The following GRIK1 variants were observed in gnomAD, a reference collection of about 807,000 sequenced individuals.
The protein encoded by GRIK1 is glutamate ionotropic receptor kainate type subunit 1, also known as glutamate receptor ionotropic, kainate 1.
A neutral mutation model predicts 105.7 loss-of-function variants in GRIK1; 69 were observed. The observed-to-expected ratio is 0.65, with a 90% CI of 0.54 to 0.80. GRIK1 has a LOEUF of 0.80. Among genes scored for constraint, GRIK1 ranks in the 30% least tolerant of loss-of-function variants. The pLI is 0.00. For missense variants in GRIK1, 1,109 were observed against 1,167.3 expected, an observed-to-expected ratio of 0.95 and a Z score of 0.73; for synonymous variants, 438 against 431.3, an observed-to-expected ratio of 1.02 and a Z score of -0.19.
At chr21:29,853,983 T>C (rs552035292) in intron 1 of GRIK1, among the ~76,000 whole-genome samples, 2 of 152,272 alleles carry the variant, frequency 1.3e-5, no homozygotes, top group African/African-American at 4.8e-5. Flanking sequence ...CCCCATGACA[T>C]CTGAGCAAAG....
Position 29,725,042 on chromosome 21 carries a change from C to A in GRIK1, c.119-30979G>T, listed in dbSNP as rs1033889594. ...AAAAAAAAAAGAAACTCTACTGCCA[C>A]ATGGGATGTTTAAAATTATTAATTA... On this transcript the variant is annotated intron_variant, in intron 1 of 17. Transcript: ENST00000327783. Among the ~76,000 whole-genome samples the A allele has an allele frequency of 3.3e-5, 5 of 150,526 alleles. No individual in the cohort carries two copies. In the South Asian group the frequency reaches 1.1e-3, roughly 32 times the overall value.
At chr21:29,606,691 AAAAC>A (rs547339529) in intron 7 of GRIK1, among the ~76,000 whole-genome samples, 2,014 of 151,508 alleles carry the variant, frequency 0.013, 35 homozygotes, top group African/African-American at 0.045. Context: ...AAAACAAAAC[AAAAC>A]AAAAAAAACA....
At chr21:29,617,744 T>C (rs1294613576) in intron 7 of GRIK1, among the ~76,000 whole-genome samples, 1 of 152,166 alleles carries the variant, frequency 6.6e-6, no homozygotes, top group Non-Finnish European at 1.5e-5. Context: ...AGGCCTGGAG[T>C]GTGACATCAG....
chr21:29,834,625 C>A (rs2067730614), intron 1 of GRIK1, among the ~76,000 whole-genome samples: 1 of 150,852 alleles, frequency 6.6e-6, no homozygotes, highest in Non-Finnish European at 1.5e-5. Flanking sequence ...GCATACTCTA[C>A]CCCGAAACTT....
At chr21:29,588,802 G>T (rs1601194867) in intron 11 of GRIK1, 37 bp downstream of exon 11, 1 of 1,056,432 alleles carries the variant, frequency 9.5e-7, no homozygotes, top group Non-Finnish European at 1.5e-6. Context: ...TTTCTCTTAT[G>T]CATATTTTCA....
chr21:29,874,911 A>G (rs1015852460), intron 1 of GRIK1, among the ~76,000 whole-genome samples: 51 of 152,168 alleles, frequency 3.4e-4, no homozygotes, highest in African/African-American at 1.2e-3. Context: ...AAAGTTTCAG[A>G]AACGATTTCC....
chr21:29,598,482 A>G lies in GRIK1; in HGVS notation c.1206+348T>C, dbSNP rs76581642. 2.0e-5 allele frequency among the ~76,000 whole-genome samples: 3 copies of G among 152,328 alleles called. No homozygotes were observed. In the East Asian group the frequency reaches 5.8e-4, roughly 29 times the overall value. On this transcript the variant is annotated intron_variant, in intron 8 of 17. Coordinates refer to ENST00000327783, the MANE Select transcript of GRIK1 (RefSeq NM_001330994.2). Reference sequence around the variant, plus strand: ...ATGCCATTCCATCGATAAACCATTGATAGCTTCTGCTTTTCCAAGTCTAAA... The same window carrying G: ...ATGCCATTCCATCGATAAACCATTGGTAGCTTCTGCTTTTCCAAGTCTAAA...
intron 1 of GRIK1, among the ~76,000 whole-genome samples, chr21:29,901,118 C>A (rs905843477): frequency 6.6e-6 from 1 of 152,164 alleles, no homozygotes; most frequent in African/African-American, 2.4e-5. Flanking sequence ...GTACCAGAAT[C>A]TCTGGGACAC....
intron 1 of GRIK1, among the ~76,000 whole-genome samples, chr21:29,932,429 C>T (rs1274764155): frequency 6.6e-6 from 1 of 151,962 alleles, no homozygotes; most frequent in African/African-American, 2.4e-5. Context: ...AAAATATTGT[C>T]CAAGTAACTT....
chr21:29,872,216 C>T (rs574964186), intron 1 of GRIK1, among the ~76,000 whole-genome samples: 4 of 123,404 alleles, frequency 3.2e-5, no homozygotes, highest in Non-Finnish European at 4.8e-5. Context: ...TTTTTTGAGA[C>T]GGAGTCTCGC....
intron 3 of GRIK1, among the ~76,000 whole-genome samples, chr21:29,675,348 C>G (rs1410845096): frequency 1.3e-5 from 2 of 152,034 alleles, no homozygotes; most frequent in African/African-American, 4.8e-5. Flanking sequence ...CTGTTACCAC[C>G]CACCTGCTTT....
chr21:29,684,333 G>T (rs2063444487), intron 3 of GRIK1, among the ~76,000 whole-genome samples: 1 of 151,632 alleles, frequency 6.6e-6, no homozygotes, highest in African/African-American at 2.4e-5. Context: ...CTATTTAGCT[G>T]TCAACTATAT....
At chr21:29,706,830 T>C (rs978076129) in intron 1 of GRIK1, among the ~76,000 whole-genome samples, 2 of 152,234 alleles carry the variant, frequency 1.3e-5, no homozygotes, top group Admixed American at 6.5e-5. Context: ...TATTTTTAAA[T>C]GTGCTGCACT....
chr21:29,914,479 C>T (rs1443144132), intron 1 of GRIK1, among the ~76,000 whole-genome samples: 1 of 152,060 alleles, frequency 6.6e-6, no homozygotes, highest in African/African-American at 2.4e-5. Flanking sequence ...CAATGGCAGT[C>T]ATCATGAAGA....
chr21:29,729,103 C>T (rs1350711839), intron 1 of GRIK1, among the ~76,000 whole-genome samples: 1 of 152,110 alleles, frequency 6.6e-6, no homozygotes, highest in African/African-American at 2.4e-5. Context: ...CTAATCAATC[C>T]TCATCCCATT....
At chr21:29,788,508 G>A (rs1162947669) in intron 1 of GRIK1, among the ~76,000 whole-genome samples, 3 of 152,152 alleles carry the variant, frequency 2.0e-5, no homozygotes, top group Non-Finnish European at 1.5e-5. Context: ...TAGACCAATG[G>A]TCCCCAGCCC....
At chr21:29,634,118 C>A (rs1363455072) in intron 7 of GRIK1, among the ~76,000 whole-genome samples, 2 of 152,154 alleles carry the variant, frequency 1.3e-5, no homozygotes, top group East Asian at 1.9e-4. Context: ...AACCAACCAA[C>A]CAAACAAACA....
At chr21:29,618,090 C>T (rs2061893012) in intron 7 of GRIK1, among the ~76,000 whole-genome samples, 1 of 152,190 alleles carries the variant, frequency 6.6e-6, no homozygotes, top group South Asian at 2.1e-4. Flanking sequence ...CTTCACCTTT[C>T]ATCTTTGATA....
At chr21:29,664,408 C>T (rs963833903) in intron 4 of GRIK1, among the ~76,000 whole-genome samples, 10 of 152,098 alleles carry the variant, frequency 6.6e-5, no homozygotes, top group East Asian at 1.9e-4. Flanking sequence ...GAGCTTAATG[C>T]CTTATATTTA....
Sources: allele counts gnomAD v4.1 joint callset (sites outside exome capture counted in the v4.1 genomes callset), GRCh38; gene constraint gnomAD v4.1.1; transcripts MANE v1.5; gene names NCBI Gene and HGNC (gene_info 2026-07-23, HGNC 2026-07-21).